The following ACOT11 variants were observed in gnomAD, a reference collection of about 807,000 sequenced individuals.
ACOT11 encodes acyl-coenzyme A thioesterase 11.
Under a neutral mutation model 77.5 loss-of-function variants are expected in ACOT11, and 69 were observed. The ratio of observed to expected loss-of-function variants is 0.89; its 90% CI spans 0.73 to 1.09. The LOEUF (loss-of-function observed/expected upper bound fraction) is 1.09, where lower values mean the gene tolerates loss of function less well. Among genes scored for constraint, ACOT11 ranks in the 50% least tolerant of loss-of-function variants. The pLI is 0.00. For synonymous variants in ACOT11, 279 were observed against 313.0 expected (o/e 0.89, Z 1.15); for missense variants, 766 against 813.7 (o/e 0.94, Z 0.71).
chr1:54,617,263 G>A (rs71637856), intron 15 of ACOT11, among the ~76,000 whole-genome samples: 7 of 152,148 alleles, frequency 4.6e-5, no homozygotes, highest in Non-Finnish European at 1.0e-4. Context: ...CTTGAAGAGT[G>A]TAGTGGAGGG....
chr1:54,599,934 G>A (rs1643943327), intron 8 of ACOT11, among the ~76,000 whole-genome samples: 1 of 152,168 alleles, frequency 6.6e-6, no homozygotes, highest in Non-Finnish European at 1.5e-5. Flanking sequence ...AAAAGTGAGG[G>A]ATCAGGAGCC....
chr1:54,623,999 A>C (rs1414025460), intron 15 of ACOT11, among the ~76,000 whole-genome samples: 2 of 152,186 alleles, frequency 1.3e-5, no homozygotes, highest in Admixed American at 1.3e-4. Context: ...CAGATTATCT[A>C]CCTGGGATAG....
intron 15 of ACOT11, among the ~76,000 whole-genome samples, chr1:54,625,127 G>A (rs1438028317): frequency 6.6e-6 from 1 of 152,178 alleles, no homozygotes; most frequent in Non-Finnish European, 1.5e-5. Context: ...ATCCGGAAAT[G>A]TGAGACTGTG....
At chr1:54,611,723 C>T (rs764478876), downstream of ACOT11, 5 of 1,614,130 alleles carry the variant, frequency 3.1e-6, no homozygotes, top group Non-Finnish European at 4.2e-6. Context: ...TCCGAGGCAG[C>T]CTGCCACAGC....
rs199698636 is a variant in ACOT11 at position 54,597,307 on chromosome 1, G to T, written c.656G>T (p.Arg219Leu). The T allele has an allele frequency of 6.2e-7, 1 of 1,613,810 alleles. No homozygotes were observed. The highest frequency in any genetic ancestry group is 1.1e-5 in the South Asian group (1 of 91,072). ...CGCATGGTGCCGGCTGAGAAGACCC[G>T]TGTGGAGAGTGTGGAGCTGGTCCTG... Reference protein sequence around the residue: ...CSRMVPAEKTRVESVELVLPP... With the variant: ...CSRMVPAEKTLVESVELVLPP... The change falls in exon 7 of 16, where the codon CGT (arginine) becomes CTT (leucine). Residue 219 changes from arginine to leucine, a missense_variant. Transcript: ENST00000343744.
chr1:54,603,278 G>A (rs909039945), intron 10 of ACOT11, among the ~76,000 whole-genome samples: 1 of 152,212 alleles, frequency 6.6e-6, no homozygotes, highest in Non-Finnish European at 1.5e-5. Context: ...TGAACCGGGA[G>A]TTGCAGGTTG....
intron 1 of ACOT11, among the ~76,000 whole-genome samples, chr1:54,564,688 C>A (rs1569661365): frequency 6.6e-6 from 1 of 152,148 alleles, no homozygotes; most frequent in Admixed American, 6.5e-5. Flanking sequence ...GGATACAGCC[C>A]CGTGAGTGGT....
intron 3 of ACOT11, among the ~76,000 whole-genome samples, chr1:54,590,936 G>T (rs1166396482): frequency 6.6e-6 from 1 of 151,960 alleles, no homozygotes; most frequent in Non-Finnish European, 1.5e-5. Flanking sequence ...TTTATTTATT[G>T]TATTTTTAGT....
At chr1:54,610,438 C>T (rs150412566), downstream of ACOT11, 3 of 1,613,578 alleles carry the variant, frequency 1.9e-6, no homozygotes, top group African/African-American at 4.0e-5. Flanking sequence ...TGCTGTTTTA[C>T]CGCTGCCCTG....
At chr1:54,560,013 G>C (rs1653407600) in intron 1 of ACOT11, among the ~76,000 whole-genome samples, 2 of 152,226 alleles carry the variant, frequency 1.3e-5, no homozygotes, top group African/African-American at 4.8e-5. Context: ...CTGCAGGCCT[G>C]TGTGCTCCTG....
intron 8 of ACOT11, 77 bp downstream of exon 8, chr1:54,599,492 C>G: frequency 7.1e-7 from 1 of 1,402,180 alleles, no homozygotes; most frequent in African/African-American, 1.4e-5. Context: ...GACCCTACTT[C>G]AAACTGTCCA....
chr1:54,602,418 C>T (rs577376650), intron 9 of ACOT11, among the ~76,000 whole-genome samples: 1 of 152,316 alleles, frequency 6.6e-6, no homozygotes, highest in East Asian at 1.9e-4. Context: ...TAAGGATCCC[C>T]ATTTTACAGA....
At chr1:54,612,694 G>C, downstream of ACOT11, 1 of 1,613,674 alleles carries the variant, frequency 6.2e-7, no homozygotes, top group Non-Finnish European at 8.5e-7. Flanking sequence ...TACTTCTCCT[G>C]GACCAGGGCC....
intron 4 of ACOT11, 96 bp from the exon 5 acceptor site, chr1:54,593,845 C>A: frequency 9.5e-7 from 1 of 1,047,142 alleles, no homozygotes; most frequent in Non-Finnish European, 1.4e-6. Context: ...GAGGCCTGGC[C>A]TGGGCTGGGA....
chr1:54,634,856 C>T (rs1441973237), exon 17 of ACOT11: 5 of 599,510 alleles, frequency 8.3e-6, no homozygotes, highest in Non-Finnish European at 1.5e-5. Context: ...CCGTCGAACA[C>T]AGCCACCCCG....
In ACOT11 at chr1:54,584,766, A is replaced by G. The variant is rs1654438020; in HGVS notation, c.145A>G (p.Met49Val). 3.7e-6 allele frequency: 6 copies of G among 1,614,084 alleles called. No individual in the cohort carries two copies. Among genetic ancestry groups the G allele is most frequent in the Non-Finnish European group, 3.4e-6 (4 of 1,180,034 alleles). ...ATACCGGAACCCCACGGAGGTGCAG[A>G]TGAGCCAGCTGGTGCTGCCCTGCCA... ...EGYRNPTEVQ[M>V]SQLVLPCHTN... The change falls in exon 2 of 16, where the codon ATG becomes GTG. Residue 49 changes from methionine to valine, a missense_variant. Transcript: ENST00000343744. The surrounding 1 kb of genome is among the most constrained non-coding windows in gnomAD (Gnocchi z 6.3).
rs141925785 is a variant in ACOT11, at chr1:54,609,190, C to G, written c.*78C>G. The G allele has an allele frequency of 8.7e-6, 14 of 1,600,098 alleles. No homozygotes were observed. Among genetic ancestry groups the G allele is most frequent in the Non-Finnish European group, 1.1e-5 (13 of 1,172,276 alleles). ...ACTCACATACAGTGCCTGGAGAAAG[C>G]CAAAGACCTTTATTTCTTCCTGCCT... is the stretch of plus-strand genomic sequence containing the variant. On this transcript the variant is annotated 3_prime_UTR_variant, in exon 16 of 16. Coordinates refer to ENST00000343744, the MANE Select transcript of ACOT11 (RefSeq NM_147161.4).
At chr1:54,561,170 T>C (rs1229227002) in intron 1 of ACOT11, among the ~76,000 whole-genome samples, 2 of 143,792 alleles carry the variant, frequency 1.4e-5, no homozygotes, top group South Asian at 2.4e-4. Context: ...GGCAGGGTCA[T>C]GGGACAATAG....
At position 54,609,852 on chromosome 1, in the gene ACOT11, T is replaced by C. The variant is rs1644094623; in HGVS notation, c.*740T>C. 1 of 1,614,078 alleles carries C rather than the reference T, an allele frequency of 6.2e-7. No individual in the cohort carries two copies. Among genetic ancestry groups the C allele is most frequent in the Non-Finnish European group, 8.5e-7 (1 of 1,180,012 alleles). On this transcript the variant is annotated 3_prime_UTR_variant, in exon 16 of 16. Coordinates refer to ENST00000343744, the MANE Select transcript of ACOT11 (RefSeq NM_147161.4). ...TGCAGGCAGGACTCCAGCGTCAGGATGTTGCCACTTGGAGTATGAACAATG... is the reference window on the plus strand; with the variant it reads ...TGCAGGCAGGACTCCAGCGTCAGGACGTTGCCACTTGGAGTATGAACAATG...
Sources: allele counts gnomAD v4.1 joint callset (sites outside exome capture counted in the v4.1 genomes callset), GRCh38; gene constraint gnomAD v4.1.1; non-coding constraint Gnocchi (gnomAD v3.1); transcripts MANE v1.5; gene names NCBI Gene and HGNC (gene_info 2026-07-23, HGNC 2026-07-21).